The following PLEKHG4B variants were observed in gnomAD, a reference collection of about 807,000 sequenced individuals.
The protein encoded by PLEKHG4B is pleckstrin homology domain-containing family G member 4B.
PLEKHG4B carries 111 observed loss-of-function variants against 121.3 expected under a neutral mutation model. The observed-to-expected ratio is 0.92, with a 90% CI of 0.78 to 1.07. The LOEUF is 1.07. PLEKHG4B is among the 50% of genes least tolerant of loss of function. The pLI is 0.00. For synonymous variants in PLEKHG4B, 738 were observed against 725.0 expected, an observed-to-expected ratio of 1.02 and a Z score of -0.29; for missense variants, 1,831 against 1,757.8, an observed-to-expected ratio of 1.04 and a Z score of -0.74.
chr5:173,779 C>A, intron 17 of PLEKHG4B, 139 bp from the exon 18 acceptor site: 1 of 967,430 alleles, frequency 1.0e-6, no homozygotes, highest in Non-Finnish European at 1.5e-6. Context: ...GCAGTGTGGT[C>A]TCGCTCACCC....
intron 13 of PLEKHG4B, chr5:169,073 A>C: frequency 2.2e-6 from 1 of 454,250 alleles, no homozygotes; most frequent in African/African-American, 2.0e-5. Flanking sequence ...ACGAGGTTTC[A>C]CCATGTTGGC....
At position 107,405 on chromosome 5, in the gene PLEKHG4B, C is replaced by T. The variant is rs549793810; in HGVS notation, c.46-5846C>T. On this transcript the variant is annotated intron_variant, in intron 1 of 19. Transcript: ENST00000637938. ...GCCATTGTAAGTTGCACGACGTTGC[C>T]CCTGAGGCCTCCAGCAAGCCTGGAC... Among the ~76,000 whole-genome samples the T allele has an allele frequency of 5.9e-5, 9 of 152,332 alleles. No individual in the cohort carries two copies. The East Asian group carries it at 1.7e-3, about 29-fold the overall frequency.
chr5:141,497 A>G (rs1190397493), intron 3 of PLEKHG4B, among the ~76,000 whole-genome samples: 2 of 150,258 alleles, frequency 1.3e-5, no homozygotes, highest in African/African-American at 4.9e-5. Context: ...CTCTGACTCG[A>G]ATCTCCCTCT....
chr5:181,659 C>G lies in PLEKHG4B; in HGVS notation c.4548C>G (p.Ser1516Arg), dbSNP rs1303381444. 1.4e-5 allele frequency: 22 copies of G among 1,613,548 alleles called. No homozygotes were observed. The highest frequency in any genetic ancestry group is 1.8e-5 in the Non-Finnish European group (21 of 1,179,852). ...TGATGAGCGACCGAGTCCCCGACAGCATCGTCAAGGGCACAGGTACGGTGG... is the reference window on the plus strand; with the variant it reads ...TGATGAGCGACCGAGTCCCCGACAGGATCGTCAAGGGCACAGGTACGGTGG... ...CAVMSDRVPD[S>R]IVKGTESQMR... Residue 1516 changes from serine to arginine, a missense_variant, in exon 19 of 20, where the codon AGC becomes AGG. Coordinates refer to ENST00000637938, the MANE Select transcript of PLEKHG4B (RefSeq NM_052909.5).
chr5:154,039 C>A lies in PLEKHG4B; in HGVS notation c.1993-836C>A, dbSNP rs182667965. Among the ~76,000 whole-genome samples, 120 of 151,076 alleles carry A rather than the reference C, an allele frequency of 7.9e-4. 3 individuals carry two copies. The highest frequency in any genetic ancestry group is 2.9e-3 in the African/African-American group (119 of 40,982). On this transcript the variant is annotated intron_variant, in intron 7 of 19. Transcript: ENST00000637938. ...TTTTTTTTTGAGACAGAGTCTCGTT[C>A]TATGTCGCCAGGCTGGAGTGCAGTG...
intron 13 of PLEKHG4B, among the ~76,000 whole-genome samples, chr5:167,254 G>C (rs921306412): frequency 1.3e-5 from 2 of 152,226 alleles, no homozygotes; most frequent in Non-Finnish European, 2.9e-5. Flanking sequence ...CAGCCAGGAG[G>C]TGCTGTGTTC....
intron 11 of PLEKHG4B, among the ~76,000 whole-genome samples, chr5:158,063 C>T (rs1735851371): frequency 1.3e-5 from 2 of 152,182 alleles, no homozygotes; most frequent in Non-Finnish European, 2.9e-5. Context: ...AGGAACCCCA[C>T]ACCAGGCAAG....
At chr5:116,352 A>T (rs988338216) in intron 2 of PLEKHG4B, among the ~76,000 whole-genome samples, 3 of 152,212 alleles carry the variant, frequency 2.0e-5, no homozygotes, top group Admixed American at 2.0e-4. Context: ...CTGATTATAG[A>T]TCATCATAAC....
At chr5:123,780 CT>C (rs1227356293) in intron 2 of PLEKHG4B, among the ~76,000 whole-genome samples, 2 of 152,064 alleles carry the variant, frequency 1.3e-5, no homozygotes, top group East Asian at 1.9e-4. Context: ...GGTTTGTCAA[CT>C]TTTTTTATCT....
At position 140,122 on chromosome 5, in the gene PLEKHG4B, G is replaced by C. The variant is rs1560921442; in HGVS notation, c.883G>C (p.Glu295Gln). 1.7e-6 allele frequency: 1 copy of C among 585,262 alleles called. No individual in the cohort carries two copies. The highest frequency in any genetic ancestry group is 2.9e-6 in the Non-Finnish European group (1 of 344,958). 36.3% of individuals were successfully genotyped at this position (585,262 alleles called of 1,614,324 possible). Residue 295 changes from glutamate to glutamine, a missense_variant, in exon 3 of 20, where the codon GAG becomes CAG. Glu to Gln is a conservative substitution (Grantham distance 29). Transcript: ENST00000637938. ...GGACTTCGAAAAGGTCAGCCCCTCA[G>C]AGCAGGGCCCACGGATGCCCCCTGA... Reference protein sequence around the residue: ...DRDFEKVSPSEQGPRMPPENC... With the variant: ...DRDFEKVSPSQQGPRMPPENC...
At position 140,076 on chromosome 5, in the gene PLEKHG4B, C is replaced by A; in HGVS notation, c.837C>A (p.Thr279=). Reference sequence around the variant, plus strand: ...GAGCCGAGCTGGGAAGCCCCAGGACCCTGTCTGGAAGCTCAGACAGGGACT... The same window carrying A: ...GAGCCGAGCTGGGAAGCCCCAGGACACTGTCTGGAAGCTCAGACAGGGACT... ...PERAELGSPR[T]LSGSSDRDFE... Residue 279 remains threonine, a synonymous_variant, in exon 3 of 20, where the codon ACC becomes ACA. Transcript: ENST00000637938. The A allele has an allele frequency of 2.1e-6, 1 of 469,378 alleles. No homozygotes were observed. The highest frequency in any genetic ancestry group is 3.7e-6 in the Non-Finnish European group (1 of 268,814). 29.1% of individuals were successfully genotyped at this position (469,378 alleles called of 1,614,324 possible).
chr5:109,097 G>A (rs1016375923), intron 1 of PLEKHG4B, among the ~76,000 whole-genome samples: 8 of 152,136 alleles, frequency 5.3e-5, no homozygotes, highest in Non-Finnish European at 8.8e-5. Context: ...TGGGTCCCCC[G>A]CTGTCCCCAG....
intron 2 of PLEKHG4B, among the ~76,000 whole-genome samples, chr5:121,974 T>C (rs953570358): frequency 1.3e-5 from 2 of 151,966 alleles, no homozygotes; most frequent in African/African-American, 4.8e-5. Context: ...CAGTGTATCA[T>C]GGGGTTTTTA....
At chr5:117,372 ATAATAT>A (rs1246634442) in intron 2 of PLEKHG4B, among the ~76,000 whole-genome samples, 6 of 152,178 alleles carry the variant, frequency 3.9e-5, no homozygotes, top group South Asian at 2.1e-4. Context: ...ATCATTATTA[ATAATAT>A]TAATATTGAG....
At position 159,708 on chromosome 5, in the gene PLEKHG4B, C is replaced by T. The variant is rs147749961; in HGVS notation, c.2488-2075C>T. Reference sequence around the variant, plus strand: ...CGCATCTTTAGCATTTTCTCCCTGGCGGTCTGATTCTTTTCCTCTAATCCC... The same window carrying T: ...CGCATCTTTAGCATTTTCTCCCTGGTGGTCTGATTCTTTTCCTCTAATCCC... On this transcript the variant is annotated intron_variant, in intron 11 of 19. Coordinates refer to ENST00000637938, the MANE Select transcript of PLEKHG4B (RefSeq NM_052909.5). The surrounding 1 kb of genome is among the most constrained non-coding windows in gnomAD (Gnocchi z 5.5). 1.7e-4 allele frequency among the ~76,000 whole-genome samples: 26 copies of T among 152,276 alleles called. No individual in the cohort carries two copies. The highest frequency in any genetic ancestry group is 6.3e-4 in the African/African-American group (26 of 41,562).
rs982980593 is a variant in PLEKHG4B at position 181,389 on chromosome 5, G to A, written c.4403-125G>A. The A allele has an allele frequency of 1.0e-5, 10 of 993,384 alleles. No individual in the cohort carries two copies. The Admixed American group carries it at 1.4e-4, about 14-fold the overall frequency. The allele number at this position is 993,384 out of a possible 1,614,324, so 61.5% of individuals were successfully genotyped here. On this transcript the variant is annotated intron_variant, in intron 18 of 19. Transcript: ENST00000637938. The stretch of plus-strand genomic sequence containing the variant: ...CCTGGCCCCCCATGCCCCTCGTGGG[G>A]CAGGGTGGGTATACCCTGTACACCC...
intron 6 of PLEKHG4B, among the ~76,000 whole-genome samples, chr5:151,206 C>T (rs886855854): frequency 1.3e-5 from 2 of 152,180 alleles, no homozygotes; most frequent in African/African-American, 2.4e-5. Flanking sequence ...TTTGGGGTTG[C>T]TTAACAGTTC....
In PLEKHG4B at chr5:124,569, C is replaced by G. The variant is rs542656353; in HGVS notation, c.243+11121C>G. ...TGCTGCATACATTTTGATGGTCTGT[C>G]ATTTGGTCTGTAAATGTCTATAATT... On this transcript the variant is annotated intron_variant, in intron 2 of 19. Transcript: ENST00000637938. Among the ~76,000 whole-genome samples, 13 of 152,298 alleles carry G rather than the reference C, an allele frequency of 8.5e-5. No homozygotes were observed. The South Asian group carries it at 2.5e-3, about 29-fold the overall frequency.
Position 156,155 on chromosome 5 carries a change from G to T in PLEKHG4B, c.2293G>T (p.Gly765Trp), listed in dbSNP as rs1350424346. The T allele has an allele frequency of 3.8e-6, 6 of 1,594,098 alleles. No homozygotes were observed. Among genetic ancestry groups the T allele is most frequent in the Non-Finnish European group, 5.1e-6 (6 of 1,170,628 alleles). Reference sequence around the variant, plus strand: ...ACTGCTTGTGTCTCTCAGGCTGGAGGGGGGCACCGTCCTGGCGCGGCTGAG... The same window carrying T: ...ACTGCTTGTGTCTCTCAGGCTGGAGTGGGGCACCGTCCTGGCGCGGCTGAG... ...DPLLVSLRLE[G>W]GTVLARLRRE... Residue 765 changes from glycine (G) to tryptophan (W), a missense_variant, in exon 10 of 20, where the codon GGG becomes TGG. Coordinates refer to ENST00000637938, the MANE Select transcript of PLEKHG4B (RefSeq NM_052909.5). This position sits in a 1 kb window ranked among gnomAD's most constrained non-coding sequence, Gnocchi z 4.4.
Sources: allele counts gnomAD v4.1 joint callset (sites outside exome capture counted in the v4.1 genomes callset), GRCh38; gene constraint gnomAD v4.1.1; non-coding constraint Gnocchi (gnomAD v3.1); transcripts MANE v1.5; gene names NCBI Gene and HGNC (gene_info 2026-07-23, HGNC 2026-07-21).